The following DLG2 variants were observed in gnomAD, a reference collection of about 807,000 sequenced individuals.
DLG2 encodes discs large MAGUK scaffold protein 2, also known as disks large homolog 2.
Under a neutral mutation model 132.5 loss-of-function variants are expected in DLG2, and 45 were observed. The ratio of observed to expected loss-of-function variants is 0.34; its 90% CI spans 0.27 to 0.44. The LOEUF (loss-of-function observed/expected upper bound fraction) is 0.44. DLG2 is among the 20% of genes least tolerant of loss of function. The pLI is 1.00. For missense variants in DLG2, 1,045 were observed against 1,196.9 expected (o/e 0.87, Z 1.87); for synonymous variants, 424 against 419.6 (o/e 1.01, Z -0.13).
intron 17 of DLG2, among the ~76,000 whole-genome samples, chr11:83,807,838 T>C (rs1174968279): frequency 1.3e-5 from 2 of 152,146 alleles, no homozygotes; most frequent in Non-Finnish European, 2.9e-5. Context: ...ATTAGATGCT[T>C]CGAAAGTAGC....
chr11:84,799,862 T>C (rs1314684184), intron 6 of DLG2, among the ~76,000 whole-genome samples: 1 of 152,176 alleles, frequency 6.6e-6, no homozygotes, highest in Non-Finnish European at 1.5e-5. Flanking sequence ...TTTTTCTATT[T>C]TAAAGCAGTA....
At chr11:85,401,460 T>C (rs974028677) in intron 3 of DLG2, among the ~76,000 whole-genome samples, 7 of 152,146 alleles carry the variant, frequency 4.6e-5, no homozygotes, top group Non-Finnish European at 8.8e-5. Context: ...ACCACTCCTA[T>C]TCCACATAGT....
At chr11:85,265,219 T>A (rs1016211079) in intron 4 of DLG2, among the ~76,000 whole-genome samples, 1 of 152,204 alleles carries the variant, frequency 6.6e-6, no homozygotes, top group Non-Finnish European at 1.5e-5. Flanking sequence ...AATATCTGCA[T>A]GACCCCACTG....
In DLG2 at chr11:83,756,161, A is replaced by C. The variant is rs368786652; in HGVS notation, c.1825+30529T>G. Among the ~76,000 whole-genome samples the C allele has an allele frequency of 3.3e-5, 5 of 151,352 alleles. No homozygotes were observed. The East Asian group carries it at 9.6e-4, about 29-fold the overall frequency. On this transcript the variant is annotated intron_variant, in intron 18 of 27. Transcript: ENST00000376104. ...CAGTATTAGAATCTTTTTGAATTATATAATTATTTAATTGAATTAATTTAT... is the reference window on the plus strand; with the variant it reads ...CAGTATTAGAATCTTTTTGAATTATCTAATTATTTAATTGAATTAATTTAT...
chr11:84,440,746 T>C (rs1348059683), intron 7 of DLG2, among the ~76,000 whole-genome samples: 2 of 152,152 alleles, frequency 1.3e-5, no homozygotes, highest in Non-Finnish European at 2.9e-5. Flanking sequence ...GCAACAGTAA[T>C]CCATTTAAGC....
intron 6 of DLG2, among the ~76,000 whole-genome samples, chr11:84,630,053 A>G (rs1332615774): frequency 6.6e-6 from 1 of 152,158 alleles, no homozygotes; most frequent in East Asian, 1.9e-4. Flanking sequence ...CAGATGTATC[A>G]TGTTTGCTTT....
chr11:84,645,275 C>T (rs756991159), intron 6 of DLG2, among the ~76,000 whole-genome samples: 1 of 151,980 alleles, frequency 6.6e-6, no homozygotes, highest in Non-Finnish European at 1.5e-5. Flanking sequence ...ATAATAGGTA[C>T]CTTTTCTAAG....
intron 15 of DLG2, among the ~76,000 whole-genome samples, chr11:83,915,144 G>A (rs573280201): frequency 1.3e-5 from 2 of 152,302 alleles, no homozygotes; most frequent in African/African-American, 2.4e-5. Context: ...AGGAAAATAA[G>A]ATTAGATAGG....
At chr11:84,398,182 A>G (rs2098817218) in intron 7 of DLG2, among the ~76,000 whole-genome samples, 1 of 152,208 alleles carries the variant, frequency 6.6e-6, no homozygotes, top group Non-Finnish European at 1.5e-5. Context: ...AACAAATATG[A>G]TTGTGACAAG....
intron 16 of DLG2, among the ~76,000 whole-genome samples, chr11:83,837,723 C>A (rs1403473956): frequency 6.5e-4 from 30 of 45,944 alleles, no homozygotes; most frequent in East Asian, 1.5e-3. Flanking sequence ...ACATAGCAAG[C>A]AAAAAAAAAA....
intron 6 of DLG2, among the ~76,000 whole-genome samples, chr11:84,745,066 G>A (rs1032451460): frequency 6.6e-6 from 1 of 151,814 alleles, no homozygotes; most frequent in Admixed American, 6.6e-5. Flanking sequence ...TATACCGACA[G>A]TTCACATATT....
chr11:83,634,326 C>T (rs551552490), intron 18 of DLG2, among the ~76,000 whole-genome samples: 18 of 152,130 alleles, frequency 1.2e-4, no homozygotes, highest in African/African-American at 3.9e-4. Flanking sequence ...AAGAAAGAAT[C>T]GGTTCTAAGG....
chr11:83,511,949 C>G lies in DLG2; in HGVS notation c.2193+20759G>C, dbSNP rs181764305. Among the ~76,000 whole-genome samples, 8 of 152,096 alleles carry G rather than the reference C, an allele frequency of 5.3e-5. No individual in the cohort carries two copies. The East Asian group carries it at 1.5e-3, about 29-fold the overall frequency. ...TTCCCTACGTGTGTCCCTTAGGCAG[C>G]AACATGGCTATAGTAAGCATAGGGA... On this transcript the variant is annotated intron_variant, in intron 21 of 27. Transcript: ENST00000376104.
At chr11:85,460,125 C>A (rs1460362815) in intron 3 of DLG2, among the ~76,000 whole-genome samples, 1 of 152,184 alleles carries the variant, frequency 6.6e-6, no homozygotes, top group Non-Finnish European at 1.5e-5. Flanking sequence ...GACCACTGGG[C>A]CTCATCCTGT....
chr11:83,872,709 A>G (rs1341817373), intron 16 of DLG2, among the ~76,000 whole-genome samples: 4 of 152,218 alleles, frequency 2.6e-5, no homozygotes, highest in African/African-American at 9.6e-5. Context: ...GAAAGAAAAC[A>G]AAAGTTTGGA....
At chr11:85,445,147 G>C (rs909491148) in intron 3 of DLG2, among the ~76,000 whole-genome samples, 10 of 152,196 alleles carry the variant, frequency 6.6e-5, no homozygotes, top group African/African-American at 2.4e-4. Flanking sequence ...AGCATATGCT[G>C]TTGAGGAATT....
intron 3 of DLG2, among the ~76,000 whole-genome samples, chr11:85,366,427 CAA>C (rs954442744): frequency 2.0e-5 from 3 of 151,818 alleles, no homozygotes; most frequent in Admixed American, 2.0e-4. Flanking sequence ...GACTCAAAAA[CAA>C]AAAGTCATTA....
At chr11:85,582,054 G>C (rs2078561652) in intron 3 of DLG2, among the ~76,000 whole-genome samples, 1 of 152,208 alleles carries the variant, frequency 6.6e-6, no homozygotes, top group Admixed American at 6.5e-5. Context: ...TGTAGGCATA[G>C]AGGAGACATA....
At chr11:84,260,595 T>A (rs1039217795) in intron 7 of DLG2, among the ~76,000 whole-genome samples, 16 of 152,328 alleles carry the variant, frequency 1.1e-4, no homozygotes, top group African/African-American at 3.6e-4. Flanking sequence ...AACTACCTAC[T>A]GTGTGCCAAG....
Sources: allele counts gnomAD v4.1 joint callset (sites outside exome capture counted in the v4.1 genomes callset), GRCh38; gene constraint gnomAD v4.1.1; transcripts MANE v1.5; gene names NCBI Gene and HGNC (gene_info 2026-07-23, HGNC 2026-07-21).